The following SAMD12 variants were observed in gnomAD, a reference collection of about 807,000 sequenced individuals.
The protein encoded by SAMD12 is sterile alpha motif domain-containing protein 12.
SAMD12 carries 9 observed loss-of-function variants against 15.0 expected under a neutral mutation model. The observed-to-expected ratio is 0.60, with a 90% CI of 0.36 to 1.05. SAMD12 has a LOEUF of 1.05. Among genes scored for constraint, SAMD12 ranks in the 50% least tolerant of loss-of-function variants. SAMD12 has a pLI of 0.01. For missense variants in SAMD12, 230 were observed against 234.2 expected, an observed-to-expected ratio of 0.98 and a Z score of 0.12; for synonymous variants, 86 against 90.1, an observed-to-expected ratio of 0.96 and a Z score of 0.25.
chr8:118,401,132 C>G (rs1586669073), intron 3 of SAMD12, among the ~76,000 whole-genome samples: 1 of 152,272 alleles, frequency 6.6e-6, no homozygotes, highest in East Asian at 1.9e-4. Context: ...TTGTATTTTC[C>G]AGTGCCAAAT....
intron 2 of SAMD12, among the ~76,000 whole-genome samples, chr8:118,530,161 G>A (rs1380384533): frequency 6.6e-6 from 1 of 152,130 alleles, no homozygotes; most frequent in Non-Finnish European, 1.5e-5. Context: ...TTTGTTGGCT[G>A]TTTGTCTTCT....
chr8:118,174,135 G>A, the SAMD12 span, among the ~76,000 whole-genome samples: 1 of 152,172 alleles, frequency 6.6e-6, no homozygotes, highest in African/African-American at 2.4e-5. Flanking sequence ...CCCCTCCTCT[G>A]TTAATAGGCT....
At chr8:118,293,251 A>T (rs1305807368) in intron 4 of SAMD12, among the ~76,000 whole-genome samples, 4 of 152,206 alleles carry the variant, frequency 2.6e-5, no homozygotes, top group African/African-American at 4.8e-5. Context: ...TTTATACAAG[A>T]GATGCTGAAA....
At chr8:118,352,035 CA>C (rs1202270813) in intron 4 of SAMD12, among the ~76,000 whole-genome samples, 1 of 152,194 alleles carries the variant, frequency 6.6e-6, no homozygotes, top group East Asian at 1.9e-4. Context: ...CTTGCAACCA[CA>C]AGAATCCTAA....
intron 3 of SAMD12, among the ~76,000 whole-genome samples, chr8:118,421,097 T>C (rs889577655): frequency 3.3e-5 from 5 of 152,208 alleles, no homozygotes; most frequent in African/African-American, 1.2e-4. Context: ...TATTTTACCT[T>C]ACTAGTTGTG....
chr8:118,356,619 T>C (rs1231070222), intron 4 of SAMD12, among the ~76,000 whole-genome samples: 2 of 152,212 alleles, frequency 1.3e-5, no homozygotes, highest in African/African-American at 2.4e-5. Flanking sequence ...ACCACTCCGA[T>C]GGCATACTTG....
chr8:118,234,245 T>A (rs1586369309), intron 4 of SAMD12, among the ~76,000 whole-genome samples: 1 of 152,056 alleles, frequency 6.6e-6, no homozygotes, highest in African/African-American at 2.4e-5. Flanking sequence ...GGATTCTACC[T>A]CCCTAAAAGG....
chr8:118,327,471 T>C (rs1431581034), intron 4 of SAMD12, among the ~76,000 whole-genome samples: 1 of 152,114 alleles, frequency 6.6e-6, no homozygotes, highest in African/African-American at 2.4e-5. Flanking sequence ...ATTAAACCAT[T>C]AGTTACTCCA....
At chr8:118,594,433 C>A (rs1165095405) in intron 1 of SAMD12, among the ~76,000 whole-genome samples, 1 of 152,214 alleles carries the variant, frequency 6.6e-6, no homozygotes, top group Non-Finnish European at 1.5e-5. Flanking sequence ...TATAGAAACT[C>A]TGTGTCCCCT....
At chr8:118,294,848 G>A (rs988165793) in intron 4 of SAMD12, among the ~76,000 whole-genome samples, 4 of 152,016 alleles carry the variant, frequency 2.6e-5, no homozygotes, top group African/African-American at 9.7e-5. Flanking sequence ...TCTGATTAAC[G>A]GGAATTTTTA....
chr8:118,193,722 C>A (rs1363306876), exon 5 of SAMD12: 3 of 151,932 alleles, frequency 2.0e-5, no homozygotes, highest in East Asian at 3.9e-4. Context: ...TTATAGAATT[C>A]TTGAAAACTA....
At chr8:118,155,401 G>A in the SAMD12 span, among the ~76,000 whole-genome samples, 26 of 152,282 alleles carry the variant, frequency 1.7e-4, no homozygotes, top group South Asian at 1.5e-3. Context: ...TTATAATACA[G>A]TATCTTAAAA....
In SAMD12 at chr8:118,237,639, C is replaced by T. The variant is rs28409541; in HGVS notation, c.434-39907G>A. 6.2e-3 allele frequency among the ~76,000 whole-genome samples: 942 copies of T among 152,256 alleles called. 13 individuals are homozygous for T. Among genetic ancestry groups the T allele is most frequent in the African/African-American group, 0.022 (908 of 41,570 alleles). ...ATGAGAGGAATTGGAAGGTGGGAAG[C>T]TGGAGGCAGAAGGCTGGAAAGCCAT... On this transcript the variant is annotated intron_variant, in intron 4 of 4. Transcript: ENST00000409003.
intron 3 of SAMD12, among the ~76,000 whole-genome samples, chr8:118,412,085 A>G (rs534646602): frequency 1.1e-4 from 17 of 152,350 alleles, no homozygotes; most frequent in African/African-American, 3.8e-4. Context: ...ACTAGCCCTC[A>G]CCTAGAGGGT....
intron 2 of SAMD12, among the ~76,000 whole-genome samples, chr8:118,563,151 A>G (rs1182097623): frequency 6.6e-6 from 1 of 152,248 alleles, no homozygotes; most frequent in East Asian, 1.9e-4. Context: ...AGTCACATCC[A>G]ATGAACACAA....
intron 1 of SAMD12, among the ~76,000 whole-genome samples, chr8:118,613,364 T>C (rs568001967): frequency 6.6e-6 from 1 of 152,220 alleles, no homozygotes; most frequent in Non-Finnish European, 1.5e-5. Context: ...GAAGTTTATC[T>C]GATATTTAAC....
At chr8:118,263,169 C>T (rs1025550065) in intron 4 of SAMD12, among the ~76,000 whole-genome samples, 3 of 151,998 alleles carry the variant, frequency 2.0e-5, no homozygotes, top group African/African-American at 7.2e-5. Flanking sequence ...CTTAGTTTTC[C>T]TGTTTGCAAA....
At chr8:118,276,758 T>C (rs796180316) in intron 4 of SAMD12, among the ~76,000 whole-genome samples, 28 of 152,316 alleles carry the variant, frequency 1.8e-4, no homozygotes, top group African/African-American at 6.7e-4. Flanking sequence ...CTGTAACCTC[T>C]GCCTCCCAGG....
chr8:118,479,653 T>C (rs371105484), intron 2 of SAMD12, among the ~76,000 whole-genome samples: 3 of 152,174 alleles, frequency 2.0e-5, no homozygotes, highest in Non-Finnish European at 1.5e-5. Flanking sequence ...AAAATTCTCA[T>C]AGCTAATTCT....
Sources: allele counts gnomAD v4.1 joint callset (sites outside exome capture counted in the v4.1 genomes callset), GRCh38; gene constraint gnomAD v4.1.1; transcripts MANE v1.5; gene names NCBI Gene and HGNC (gene_info 2026-07-23, HGNC 2026-07-21).